FBXL13: variants seen among roughly 807,000 people sequenced by gnomAD.
FBXL13 encodes the protein F-box and leucine rich repeat protein 13.
FBXL13 carries 67 observed loss-of-function variants against 83.6 expected under a neutral mutation model. The observed-to-expected ratio is 0.80, with a 90% CI of 0.66 to 0.98. The LOEUF (loss-of-function observed/expected upper bound fraction) is 0.98, where lower values mean the gene tolerates loss of function less well. FBXL13 is among the 50% of genes least tolerant of loss of function. FBXL13 has a pLI of 0.00. For synonymous variants in FBXL13, 272 were observed against 299.5 expected (o/e 0.91, Z 0.95); for missense variants, 822 against 866.5 (o/e 0.95, Z 0.64).
At chr7:102,966,082 A>C (rs1825940685) in intron 7 of FBXL13, among the ~76,000 whole-genome samples, 1 of 152,236 alleles carries the variant, frequency 6.6e-6, no homozygotes, top group African/African-American at 2.4e-5. Flanking sequence ...ACAACATCCC[A>C]TTCTTGGTTG....
intron 2 of FBXL13, 30 bp from the exon 4 acceptor site, chr7:103,029,448 A>T (rs1236060531): frequency 5.7e-6 from 7 of 1,235,772 alleles, no homozygotes; most frequent in East Asian, 2.9e-5. Context: ...GAAATAACAA[A>T]TATTAGAAAT....
At chr7:102,952,385 A>G (rs1211017318) in intron 8 of FBXL13, among the ~76,000 whole-genome samples, 2 of 152,218 alleles carry the variant, frequency 1.3e-5, no homozygotes, top group Non-Finnish European at 2.9e-5. Flanking sequence ...ATGAAAAAAG[A>G]ACCAAATGGT....
intron 8 of FBXL13, among the ~76,000 whole-genome samples, chr7:102,940,387 T>G (rs1003518204): frequency 6.6e-6 from 1 of 151,518 alleles, no homozygotes; most frequent in Non-Finnish European, 1.5e-5. Flanking sequence ...TTTTTCTGTA[T>G]TTTTAGCAGA....
intron 8 of FBXL13, among the ~76,000 whole-genome samples, chr7:102,959,192 T>A (rs1285644495): frequency 6.6e-6 from 1 of 152,112 alleles, no homozygotes; most frequent in South Asian, 2.1e-4. Flanking sequence ...AATAACATCA[T>A]ATAAAAAACT....
intron 2 of FBXL13, among the ~76,000 whole-genome samples, chr7:103,036,494 T>C (rs1795082680): frequency 6.6e-6 from 1 of 152,154 alleles, no homozygotes; most frequent in African/African-American, 2.4e-5. Context: ...TTTTCTTATT[T>C]CTTGATCTTC....
chr7:103,027,046 C>A (rs1436217012), intron 5 of FBXL13, among the ~76,000 whole-genome samples: 2 of 152,136 alleles, frequency 1.3e-5, no homozygotes, highest in African/African-American at 4.8e-5. Context: ...GTAATCCCAG[C>A]ACTTTAGGAG....
At chr7:103,029,265 C>T (rs527286888) in intron 3 of FBXL13, 86 bp downstream of exon 4, 1 of 748,746 alleles carries the variant, frequency 1.3e-6, no homozygotes, top group Non-Finnish European at 2.2e-6. Flanking sequence ...ATCAGCACAA[C>T]TGGCCAAAAG....
intron 17 of FBXL13, among the ~76,000 whole-genome samples, chr7:102,851,749 G>C (rs1335484249): frequency 6.6e-6 from 1 of 151,926 alleles, no homozygotes; most frequent in East Asian, 1.9e-4. Context: ...ATGACTTTGG[G>C]GTTTTTTCTA....
At chr7:102,913,132 T>C (rs1248552386) in exon 11 of FBXL13, 3 of 1,614,026 alleles carry the variant, frequency 1.9e-6, no homozygotes, top group Non-Finnish European at 2.5e-6. Flanking sequence ...GTGGCATCCA[T>C]TCCCCAAGTT....
At chr7:103,009,277 G>A (rs1362190015) in intron 6 of FBXL13, among the ~76,000 whole-genome samples, 3 of 152,092 alleles carry the variant, frequency 2.0e-5, no homozygotes, top group Non-Finnish European at 2.9e-5. Context: ...GAAAACAAAA[G>A]GGCTAGTGAA....
intron 2 of FBXL13, among the ~76,000 whole-genome samples, chr7:103,042,449 T>C (rs958407205): frequency 2.0e-5 from 3 of 152,176 alleles, no homozygotes; most frequent in Non-Finnish European, 2.9e-5. Context: ...CCACTGACTT[T>C]CTTCACAGAA....
intron 8 of FBXL13, among the ~76,000 whole-genome samples, chr7:102,962,547 G>A (rs147220299): frequency 3.9e-5 from 6 of 152,058 alleles, no homozygotes; most frequent in African/African-American, 1.2e-4. Flanking sequence ...TGTTTATTGC[G>A]GCATTATTCA....
intron 6 of FBXL13, among the ~76,000 whole-genome samples, chr7:102,984,755 T>G (rs1419571153): frequency 6.6e-6 from 1 of 152,222 alleles, no homozygotes; most frequent in Non-Finnish European, 1.5e-5. Context: ...AGAAGAACCC[T>G]GCTATGTGCC....
chr7:102,935,203 T>C (rs982888771), intron 8 of FBXL13, among the ~76,000 whole-genome samples: 5 of 149,836 alleles, frequency 3.3e-5, no homozygotes, highest in African/African-American at 9.8e-5. Flanking sequence ...AAGGTTTTAA[T>C]AAATGCTCCT....
chr7:102,824,577 C>G (rs1026103651), intron 18 of FBXL13, among the ~76,000 whole-genome samples: 1 of 152,040 alleles, frequency 6.6e-6, no homozygotes, highest in Admixed American at 6.6e-5. Flanking sequence ...CCTCTGCCTC[C>G]CAGGTTCAAA....
intron 8 of FBXL13, among the ~76,000 whole-genome samples, chr7:102,948,653 G>C (rs953827074): frequency 6.6e-6 from 1 of 151,200 alleles, no homozygotes; most frequent in Non-Finnish European, 1.5e-5. Flanking sequence ...TCGATCTCCT[G>C]ACCTGTGATC....
intron 6 of FBXL13, among the ~76,000 whole-genome samples, chr7:102,984,379 C>T (rs1333951300): frequency 6.6e-6 from 1 of 152,024 alleles, no homozygotes. Context: ...TCTATCCATC[C>T]ATCCATCCAT....
At chr7:103,066,751 C>T (rs1798430489) in intron 1 of FBXL13, among the ~76,000 whole-genome samples, 1 of 151,070 alleles carries the variant, frequency 6.6e-6, no homozygotes, top group African/African-American at 2.4e-5. Flanking sequence ...AATTGAAATG[C>T]AATTGATTTT....
intron 16 of FBXL13, among the ~76,000 whole-genome samples, chr7:102,870,404 A>C (rs1457894369): frequency 6.6e-6 from 1 of 152,210 alleles, no homozygotes; most frequent in Non-Finnish European, 1.5e-5. Flanking sequence ...GAGAAGTGTG[A>C]TTTTCTGATA....
Sources: gnomAD v4.1 joint callset for allele counts (sites outside exome capture counted in the v4.1 genomes callset) on GRCh38, gnomAD v4.1.1 for gene constraint, MANE v1.5 for transcripts, NCBI Gene and HGNC (gene_info 2026-07-23, HGNC 2026-07-21) for gene names.